Variants in ZNF33A observed in about 807,000 individuals in gnomAD.
The protein encoded by ZNF33A is zinc finger protein 33A, also known as brain my041 protein.
ZNF33A carries 9 observed loss-of-function variants against 15.9 expected under a neutral mutation model. That is an observed-to-expected ratio of 0.57 (90% CI 0.34 to 0.99). The LOEUF is 0.99. ZNF33A is among the 50% of genes least tolerant of loss of function. ZNF33A has a pLI of 0.02. For synonymous variants in ZNF33A, 294 were observed against 324.2 expected, an observed-to-expected ratio of 0.91 and a Z score of 1.00; for missense variants, 843 against 941.6, an observed-to-expected ratio of 0.90 and a Z score of 1.37.
chr10:38,039,709 T>TCTGTAA (rs2065611221), intron 4 of ZNF33A: 2 of 386,278 alleles, frequency 5.2e-6, no homozygotes, highest in Non-Finnish European at 9.9e-6. Flanking sequence ...TATTTTTATT[T>TCTGTAA]CTGTAAGAGT....
chr10:38,043,810 T>C (rs554834167), intron 4 of ZNF33A: 1 of 152,216 alleles, frequency 6.6e-6, no homozygotes, highest in East Asian at 1.9e-4. Flanking sequence ...TTTCTCTTGA[T>C]GCTTTCAAGA....
chr10:38,030,024 G>A (rs2065144577), intron 4 of ZNF33A, among the ~76,000 whole-genome samples: 1 of 152,162 alleles, frequency 6.6e-6, no homozygotes. Flanking sequence ...TAAATGCAAA[G>A]AGACTTATAC....
chr10:38,017,583 G>A (rs1168044637), intron 4 of ZNF33A, 197 bp downstream of exon 4: 31 of 417,934 alleles, frequency 7.4e-5, no homozygotes, highest in Middle Eastern at 6.6e-4. Context: ...TTTTTGAATC[G>A]TTTTTTGAAT....
intron 4 of ZNF33A, among the ~76,000 whole-genome samples, chr10:38,025,897 CAG>C (rs1429555562): frequency 1.3e-5 from 2 of 152,162 alleles, no homozygotes; most frequent in African/African-American, 4.8e-5. Context: ...TTATTTCAAA[CAG>C]AAACCCTATT....
chr10:38,038,528 A>G (rs2065552148), intron 4 of ZNF33A, among the ~76,000 whole-genome samples: 1 of 152,212 alleles, frequency 6.6e-6, no homozygotes, highest in South Asian at 2.1e-4. Flanking sequence ...TTCTATATGC[A>G]TGAGTAGTCA....
downstream of ZNF33A, among the ~76,000 whole-genome samples, chr10:38,062,811 G>A (rs536500319): frequency 1.6e-4 from 24 of 152,060 alleles, no homozygotes; most frequent in African/African-American, 5.8e-4. Flanking sequence ...AGATCATCCT[G>A]GCTAACACGG....
chr10:38,047,624 C>CAAAAAAAAAAAAAAAAAA (rs554054575), intron 4 of ZNF33A, among the ~76,000 whole-genome samples: 13 of 75,008 alleles, frequency 1.7e-4, no homozygotes, highest in African/African-American at 2.1e-4. Context: ...GACTCTGTCT[C>CAAAAAAAAAAAAAAAAAA]AAAAAAAAAA....
At chr10:38,052,107 A>G (rs1412710812) in intron 4 of ZNF33A, among the ~76,000 whole-genome samples, 1 of 152,158 alleles carries the variant, frequency 6.6e-6, no homozygotes. Flanking sequence ...AGTGTAATAT[A>G]TACTACTTAG....
Position 38,026,585 on chromosome 10 carries a change from C to T in ZNF33A, c.250+9199C>T, listed in dbSNP as rs576520088. Among the ~76,000 whole-genome samples the T allele has an allele frequency of 9.2e-5, 14 of 152,360 alleles. No homozygotes were observed. In the South Asian group the frequency reaches 1.0e-3, roughly 11 times the overall value. On this transcript the variant is annotated intron_variant, in intron 4 of 4. Transcript: ENST00000432900. Reference sequence around the variant, plus strand: ...CCTCAGGTGATCCACCCGCCTTGACCTCCCAAAGTGCTGGGATTACAGGCG... The same window carrying T: ...CCTCAGGTGATCCACCCGCCTTGACTTCCCAAAGTGCTGGGATTACAGGCG...
chr10:38,019,992 G>A (rs1038026124), intron 4 of ZNF33A, among the ~76,000 whole-genome samples: 2 of 152,136 alleles, frequency 1.3e-5, no homozygotes, highest in Non-Finnish European at 2.9e-5. Context: ...CTGATAGACT[G>A]ATAAGTTACA....
chr10:38,015,656 A>G (rs977938430), intron 2 of ZNF33A, among the ~76,000 whole-genome samples: 11 of 152,140 alleles, frequency 7.2e-5, no homozygotes, highest in African/African-American at 2.7e-4. Context: ...GATGTTTCTT[A>G]CTAGAATACT....
downstream of ZNF33A, among the ~76,000 whole-genome samples, chr10:38,067,178 C>A (rs894944710): frequency 6.6e-6 from 1 of 152,128 alleles, no homozygotes; most frequent in African/African-American, 2.4e-5. Flanking sequence ...TCACTTCCTT[C>A]CCCCATCAAT....
In ZNF33A at chr10:38,055,581, A is replaced by G. The variant is rs772786948; in HGVS notation, c.1457A>G (p.Gln486Arg). ...TTTAGTGAAAAGTCAAATCTTACAC[A>G]GCATCAGAGAATTCACATAGGAGAT... ...KSFSEKSNLT[Q>R]HQRIHIGDKS... The change falls in exon 5 of 5, where the codon CAG becomes CGG. Residue 486 changes from glutamine (Q) to arginine (R), a missense_variant. Coordinates refer to ENST00000432900, the MANE Select transcript of ZNF33A (RefSeq NM_006954.2). 1 of 1,614,142 alleles carries G rather than the reference A, an allele frequency of 6.2e-7. No homozygotes were observed. The highest frequency in any genetic ancestry group is 8.5e-7 in the Non-Finnish European group (1 of 1,180,018).
chr10:38,057,797 A>G lies in ZNF33A; in HGVS notation c.*1237A>G. 1.0e-6 allele frequency: 1 copy of G among 985,460 alleles called. No individual in the cohort carries two copies. The highest frequency in any genetic ancestry group is 1.2e-6 in the Non-Finnish European group (1 of 829,986). The allele number at this position is 985,460 out of a possible 1,614,324, so 61.0% of individuals were successfully genotyped here. ...GTGGTAGTCCAAATTTTCTTTAAGC[A>G]GCTGCTCTCCAAGACAGGGCCCTGG... On this transcript the variant is annotated 3_prime_UTR_variant, in exon 5 of 5. Transcript: ENST00000432900.
chr10:38,012,318 C>T lies in ZNF33A; in HGVS notation c.-24C>T, dbSNP rs769051735. On this transcript the variant is annotated 5_prime_UTR_variant, in exon 2 of 5. Coordinates refer to ENST00000432900, the MANE Select transcript of ZNF33A (RefSeq NM_006954.2). ...CTCAGCTGTATCTTCAGAGTTGTCT[C>T]CGTCTTTCCAAGAACAGAACAAAAT... The T allele has an allele frequency of 8.7e-6, 14 of 1,613,278 alleles. No homozygotes were observed. The South Asian group carries it at 1.5e-4, about 18-fold the overall frequency.
intron 4 of ZNF33A, among the ~76,000 whole-genome samples, chr10:38,048,766 T>C (rs1275980314): frequency 6.6e-6 from 1 of 152,126 alleles, no homozygotes; most frequent in Non-Finnish European, 1.5e-5. Flanking sequence ...TTACAAAATA[T>C]TTGAAGCAAA....
intron 4 of ZNF33A, among the ~76,000 whole-genome samples, chr10:38,028,615 G>C (rs1247350055): frequency 6.6e-6 from 1 of 151,900 alleles, no homozygotes; most frequent in Non-Finnish European, 1.5e-5. Context: ...CTACAGGCAC[G>C]TGCCACCACA....
chr10:38,057,875 C>G lies in ZNF33A; in HGVS notation c.*1315C>G. ...GCCCAGGGCTGTTGGACTGTCATTT[C>G]AAGGCTCATTGTCCCCAGACAGGGA... On this transcript the variant is annotated 3_prime_UTR_variant, in exon 5 of 5. Coordinates refer to ENST00000432900, the MANE Select transcript of ZNF33A (RefSeq NM_006954.2). 1 of 985,440 alleles carries G rather than the reference C, an allele frequency of 1.0e-6. No individual in the cohort carries two copies. Among genetic ancestry groups the G allele is most frequent in the African/African-American group, 1.7e-5 (1 of 57,364 alleles). The allele number at this position is 985,440 out of a possible 1,614,324, so 61.0% of individuals were successfully genotyped here. A position where few individuals can be genotyped will look rare whatever the true frequency, so the allele number is the denominator to read the frequency against.
chr10:38,054,296 G>C (rs2066346009), intron 4 of ZNF33A, 79 bp from the exon 5 acceptor site: 10 of 1,387,182 alleles, frequency 7.2e-6, no homozygotes, highest in Non-Finnish European at 9.5e-6. Flanking sequence ...GCTGCAACAT[G>C]GGGCATTTGT....
Sources: allele counts gnomAD v4.1 joint callset (sites outside exome capture counted in the v4.1 genomes callset), GRCh38; gene constraint gnomAD v4.1.1; transcripts MANE v1.5; gene names NCBI Gene and HGNC (gene_info 2026-07-23, HGNC 2026-07-21).